Variants in AADAT observed in about 807,000 individuals in gnomAD.
AADAT encodes the protein aminoadipate aminotransferase.
AADAT carries 25 observed loss-of-function variants against 56.2 expected under a neutral mutation model. The observed-to-expected ratio is 0.44, with a 90% CI of 0.32 to 0.62. The LOEUF (loss-of-function observed/expected upper bound fraction) is 0.62. AADAT is among the 20% of genes least tolerant of loss of function. AADAT has a pLI of 0.04. For synonymous variants in AADAT, 173 were observed against 164.7 expected, an observed-to-expected ratio of 1.05 and a Z score of -0.39; for missense variants, 387 against 510.5, an observed-to-expected ratio of 0.76 and a Z score of 2.33.
chr4:170,085,005 C>T (rs573978859), intron 3 of AADAT, among the ~76,000 whole-genome samples: 1 of 152,298 alleles, frequency 6.6e-6, no homozygotes, highest in South Asian at 2.1e-4. Context: ...TCAGCCTAAG[C>T]AACATGAAGA....
chr4:170,089,206 T>C, intron 1 of AADAT: 1 of 355,192 alleles, frequency 2.8e-6, no homozygotes, highest in East Asian at 8.5e-5. Flanking sequence ...GAAGCCCTCC[T>C]CCACTTAGCC....
chr4:170,064,958 T>TA (rs1731375555), intron 10 of AADAT, 133 bp from the exon 11 acceptor site: 1 of 683,424 alleles, frequency 1.5e-6, no homozygotes, highest in African/African-American at 1.9e-5. Flanking sequence ...AATTATAGCA[T>TA]TTTTAAAAAT....
upstream of AADAT, among the ~76,000 whole-genome samples, chr4:170,090,708 C>T (rs954016236): frequency 1.3e-5 from 2 of 152,136 alleles, no homozygotes; most frequent in African/African-American, 2.4e-5. Flanking sequence ...TACTCCCCAC[C>T]TCCCTCAACT....
At chr4:170,073,412 T>C in intron 4 of AADAT, 67 bp from the exon 5 acceptor site, 1 of 1,425,298 alleles carries the variant, frequency 7.0e-7, no homozygotes, top group Non-Finnish European at 9.4e-7. Flanking sequence ...GGTTTTTTTT[T>C]TTTCTTTCTA....
chr4:170,074,857 G>T (rs2331802), intron 4 of AADAT, among the ~76,000 whole-genome samples: 5,223 of 152,056 alleles, frequency 0.034, 316 homozygotes, highest in African/African-American at 0.12. Flanking sequence ...TCTCATTCAT[G>T]GTTGAGCATT....
chr4:170,083,754 T>C (rs574902661), intron 3 of AADAT, among the ~76,000 whole-genome samples: 1 of 152,054 alleles, frequency 6.6e-6, no homozygotes, highest in East Asian at 1.9e-4. Context: ...CTGATGAGGG[T>C]AGAGAAAGGG....
At chr4:170,065,507 C>G (rs1731412415) in intron 10 of AADAT, among the ~76,000 whole-genome samples, 1 of 150,650 alleles carries the variant, frequency 6.6e-6, no homozygotes, top group Admixed American at 6.6e-5. Flanking sequence ...GATACTAATT[C>G]TGTTTTTTTT....
At chr4:170,085,823 A>G (rs1732533272) in intron 3 of AADAT, among the ~76,000 whole-genome samples, 1 of 152,166 alleles carries the variant, frequency 6.6e-6, no homozygotes, top group Non-Finnish European at 1.5e-5. Flanking sequence ...ACTGTAACCC[A>G]TTATTCTGTA....
chr4:170,061,239 A>G (rs760861053), intron 12 of AADAT, among the ~76,000 whole-genome samples: 6 of 152,120 alleles, frequency 3.9e-5, no homozygotes, highest in Non-Finnish European at 7.4e-5. Context: ...CATAACATGG[A>G]TTATTTTAGA....
intron 3 of AADAT, among the ~76,000 whole-genome samples, chr4:170,085,585 A>G (rs1317626316): frequency 6.6e-6 from 1 of 152,206 alleles, no homozygotes; most frequent in Non-Finnish European, 1.5e-5. Context: ...TGTGATGGAT[A>G]AAGAAGAAAC....
At chr4:170,066,985 C>T (rs2111152386) in intron 9 of AADAT, among the ~76,000 whole-genome samples, 1 of 152,268 alleles carries the variant, frequency 6.6e-6, no homozygotes, top group African/African-American at 2.4e-5. Flanking sequence ...AATCCCGTGT[C>T]ATGTATCCTT....
chr4:170,086,598 T>C (rs776718439), intron 3 of AADAT, among the ~76,000 whole-genome samples: 1 of 152,146 alleles, frequency 6.6e-6, no homozygotes, highest in Non-Finnish European at 1.5e-5. Flanking sequence ...TGTATTGAAA[T>C]TTCCTAACTA....
At chr4:170,075,682 T>C (rs1017797464) in intron 4 of AADAT, among the ~76,000 whole-genome samples, 2 of 151,678 alleles carry the variant, frequency 1.3e-5, no homozygotes, top group Non-Finnish European at 2.9e-5. Flanking sequence ...ATCACCTCTG[T>C]CTATTTCCAA....
intron 11 of AADAT, among the ~76,000 whole-genome samples, chr4:170,062,332 T>C (rs945042595): frequency 6.6e-6 from 1 of 152,126 alleles, no homozygotes; most frequent in Non-Finnish European, 1.5e-5. Flanking sequence ...TACAAACAAA[T>C]GTTTAATCTA....
In AADAT at chr4:170,089,777, C is replaced by T. The variant is rs1732745626; in HGVS notation, c.-87G>A. On this transcript the variant is annotated 5_prime_UTR_variant, in exon 1 of 13. Transcript: ENST00000337664. The stretch of plus-strand genomic sequence containing the variant: ...AGCCTCGTCAAGTCCTGCCTGCTAA[C>T]TCCTCACTCTGGCAACGCCACCGCG... 7.3e-7 allele frequency: 1 copy of T among 1,377,770 alleles called. No individual in the cohort carries two copies. 85.3% of individuals were successfully genotyped at this position (1,377,770 alleles called of 1,614,324 possible).
intron 10 of AADAT, among the ~76,000 whole-genome samples, 200 bp downstream of exon 10, chr4:170,066,214 A>G (rs1477258117): frequency 6.6e-6 from 1 of 152,036 alleles, no homozygotes; most frequent in African/African-American, 2.4e-5. Flanking sequence ...TTTGCAGCAG[A>G]CAGGTAAAGT....
chr4:170,087,751 T>C (rs58585745), intron 2 of AADAT, among the ~76,000 whole-genome samples: 2,710 of 152,120 alleles, frequency 0.018, 80 homozygotes, highest in African/African-American at 0.062. Context: ...GTATAATTTA[T>C]AGATTCTCTA....
In AADAT at chr4:170,068,583, G is replaced by T; in HGVS notation, c.900+8C>A. 1.9e-6 allele frequency: 3 copies of T among 1,564,844 alleles called. No homozygotes were observed. Among genetic ancestry groups the T allele is most frequent in the Non-Finnish European group, 2.6e-6 (3 of 1,156,064 alleles). ...AAAAAAAAAATCGATTTCCTAAATT[G>T]TCCTTACCTGGTTAAAAGTGCTGGG... On this transcript the variant is annotated splice_region_variant and intron_variant, in intron 8 of 12. Transcript: ENST00000337664.
intron 3 of AADAT, among the ~76,000 whole-genome samples, chr4:170,081,118 C>A (rs1197008161): frequency 6.6e-6 from 1 of 151,958 alleles, no homozygotes; most frequent in Non-Finnish European, 1.5e-5. Flanking sequence ...ATAAAAATAA[C>A]AAAAAACCCC....
Sources: allele counts gnomAD v4.1 joint callset (sites outside exome capture counted in the v4.1 genomes callset), GRCh38; gene constraint gnomAD v4.1.1; transcripts MANE v1.5; gene names NCBI Gene and HGNC (gene_info 2026-07-23, HGNC 2026-07-21).